The following OOSP1 variants were observed in gnomAD, a reference collection of about 807,000 sequenced individuals.
The protein encoded by OOSP1 is oocyte secreted protein 1.
In OOSP1, 11 loss-of-function variants were observed where a neutral mutation model predicts 5.7. The observed-to-expected ratio is 1.94, with a 90% CI of 1.22 to 3.20. OOSP1 has a LOEUF of 3.20. OOSP1 is among the 30% of genes most tolerant of loss of function. The pLI, the probability that OOSP1 is intolerant of heterozygous loss-of-function variation, is 0.00. For missense variants in OOSP1, 83 were observed against 54.1 expected, an observed-to-expected ratio of 1.53 and a Z score of -1.67; for synonymous variants, 44 against 20.0, an observed-to-expected ratio of 2.20 and a Z score of -3.20.
chr11:59,952,525 A>G (rs1354318488), intron 4 of OOSP1, among the ~76,000 whole-genome samples: 2 of 152,196 alleles, frequency 1.3e-5, no homozygotes, highest in African/African-American at 4.8e-5. Context: ...TAAGTGAAGT[A>G]ACACATGAGT....
At chr11:59,955,884 G>A (rs548606166) in intron 4 of OOSP1, among the ~76,000 whole-genome samples, 7 of 152,142 alleles carry the variant, frequency 4.6e-5, no homozygotes, top group East Asian at 3.9e-4. Context: ...CTCCTATTTC[G>A]GCCTCCCAAA....
At position 59,946,603 on chromosome 11, in the gene OOSP1, C is replaced by G. The variant is rs559691630; in HGVS notation, c.357-1130C>G. Among the ~76,000 whole-genome samples, 4 of 152,254 alleles carry G rather than the reference C, an allele frequency of 2.6e-5. No individual in the cohort carries two copies. In the South Asian group the frequency reaches 8.3e-4, roughly 32 times the overall value. On this transcript the variant is annotated intron_variant, in intron 3 of 4. Transcript: ENST00000646685. ...ATGACTTATTTTTCTATATAAGTGT[C>G]AGGGTCCCTGAAAACCTGATAGGTT...
intron 4 of OOSP1, among the ~76,000 whole-genome samples, chr11:59,950,574 C>T (rs756131198): frequency 1.2e-4 from 19 of 152,176 alleles, no homozygotes; most frequent in African/African-American, 3.4e-4. Context: ...TCCTGGGAGC[C>T]GTGCAGGTGG....
intron 4 of OOSP1, chr11:59,948,785 T>C (rs1853912473): frequency 5.0e-6 from 2 of 398,050 alleles, no homozygotes; most frequent in Non-Finnish European, 4.4e-6. Flanking sequence ...CCCTTTGATA[T>C]TGAGAGGCAA....
intron 1 of OOSP1, among the ~76,000 whole-genome samples, 184 bp from the exon 2 acceptor site, chr11:59,942,663 G>A (rs1209861992): frequency 6.6e-6 from 1 of 152,158 alleles, no homozygotes; most frequent in Non-Finnish European, 1.5e-5. Flanking sequence ...GAGTATATGT[G>A]TGGATATTTT....
intron 2 of OOSP1, among the ~76,000 whole-genome samples, chr11:59,944,207 G>C (rs1328763797): frequency 6.6e-6 from 1 of 152,114 alleles, no homozygotes; most frequent in African/African-American, 2.4e-5. Flanking sequence ...ATAATTCCTG[G>C]AGGGGGTGAG....
At chr11:59,948,918 G>C (rs966554449) in intron 4 of OOSP1, 8 of 395,282 alleles carry the variant, frequency 2.0e-5, no homozygotes, top group African/African-American at 1.4e-4. Context: ...CCTAAATTGT[G>C]ATTTTAAATA....
chr11:59,947,964 G>A (rs1263811983), intron 4 of OOSP1, 102 bp downstream of exon 4: 4 of 395,800 alleles, frequency 1.0e-5, no homozygotes, highest in African/African-American at 6.2e-5. Flanking sequence ...TTGTGTTAAG[G>A]TGCATTGTGC....
chr11:59,943,129 G>A, intron 2 of OOSP1, 101 bp downstream of exon 2: 1 of 518,492 alleles, frequency 1.9e-6, no homozygotes, highest in South Asian at 2.1e-5. Flanking sequence ...ACCTATGAGT[G>A]AGAACATGTG....
chr11:59,954,308 C>T (rs1853969734), intron 4 of OOSP1, among the ~76,000 whole-genome samples: 1 of 151,888 alleles, frequency 6.6e-6, no homozygotes. Context: ...CAGCTCTGCC[C>T]TTGTTCCATG....
intron 2 of OOSP1, among the ~76,000 whole-genome samples, chr11:59,943,874 ATTAC>A (rs1355669304): frequency 1.3e-5 from 2 of 152,248 alleles, no homozygotes; most frequent in Admixed American, 6.5e-5. Flanking sequence ...TTGCTATGAT[ATTAC>A]TTATTTTTTT....
At chr11:59,942,137 A>G (rs1002618463) in intron 1 of OOSP1, among the ~76,000 whole-genome samples, 5 of 152,316 alleles carry the variant, frequency 3.3e-5, no homozygotes, top group East Asian at 1.9e-4. Context: ...AGTGAAGTCT[A>G]GAAGAATAGC....
chr11:59,945,243 G>T, exon 3 of OOSP1: 1 of 702,994 alleles, frequency 1.4e-6, no homozygotes, highest in Non-Finnish European at 2.6e-6. Context: ...GATCTGAAAT[G>T]CCTCTGTCGT....
At chr11:59,950,843 T>A (rs1853933092) in intron 4 of OOSP1, among the ~76,000 whole-genome samples, 1 of 151,764 alleles carries the variant, frequency 6.6e-6, no homozygotes, top group Admixed American at 6.6e-5. Context: ...TAGGGGAAAG[T>A]GGAGACAGAA....
intron 4 of OOSP1, among the ~76,000 whole-genome samples, chr11:59,954,306 C>A (rs1291034962): frequency 6.6e-6 from 1 of 151,898 alleles, no homozygotes; most frequent in Admixed American, 6.6e-5. Flanking sequence ...CTCAGCTCTG[C>A]CCTTGTTCCA....
chr11:59,945,162 C>A lies in OOSP1; in HGVS notation c.259-7C>A, dbSNP rs979662990. 2.8e-6 allele frequency: 2 copies of A among 702,734 alleles called. No individual in the cohort carries two copies. The highest frequency in any genetic ancestry group is 3.5e-5 in the African/African-American group (2 of 57,236). 43.5% of individuals were successfully genotyped at this position (702,734 alleles called of 1,614,324 possible). A position where few individuals can be genotyped will look rare whatever the true frequency, so the allele number is the denominator to read the frequency against. On this transcript the variant is annotated splice_region_variant and splice_polypyrimidine_tract_variant and intron_variant, in intron 2 of 4. Transcript: ENST00000646685. ...ACATGGGTTTAAAACCTCTCTTTGTCTTGTAGCCTCTCCAGGAAGTTCTTC... is the reference window on the plus strand; with the variant it reads ...ACATGGGTTTAAAACCTCTCTTTGTATTGTAGCCTCTCCAGGAAGTTCTTC...
chr11:59,957,291 C>T (rs769763887), exon 5 of OOSP1: 7 of 397,736 alleles, frequency 1.8e-5, no homozygotes, highest in East Asian at 3.6e-5. Context: ...TGCTGTTGAG[C>T]GAGATGATAG....
intron 1 of OOSP1, among the ~76,000 whole-genome samples, chr11:59,939,067 C>T (rs1242953937): frequency 1.3e-5 from 2 of 152,172 alleles, no homozygotes; most frequent in African/African-American, 4.8e-5. Flanking sequence ...TCGGAGCAAA[C>T]CAGAATGATT....
chr11:59,943,990 T>C (rs902805151), intron 2 of OOSP1, among the ~76,000 whole-genome samples: 7 of 152,104 alleles, frequency 4.6e-5, no homozygotes, highest in Non-Finnish European at 8.8e-5. Flanking sequence ...AAATTTGAGG[T>C]AGAGTTGAGT....
Sources: gnomAD v4.1 joint callset for allele counts (sites outside exome capture counted in the v4.1 genomes callset) on GRCh38, gnomAD v4.1.1 for gene constraint, MANE v1.5 for transcripts, NCBI Gene and HGNC (gene_info 2026-07-23, HGNC 2026-07-21) for gene names.